TPRX1: variants seen among roughly 807,000 people sequenced by gnomAD.
The protein encoded by TPRX1 is tetra-peptide repeat homeobox protein 1.
A neutral mutation model predicts 8.1 loss-of-function variants in TPRX1; 2 were observed. The ratio of observed to expected loss-of-function variants is 0.25; its 90% confidence interval spans 0.10 to 0.78. The LOEUF is 0.78. Ranked by LOEUF, TPRX1 falls within the 30% of genes least tolerant of loss-of-function variation. TPRX1 has a pLI of 0.70. For missense variants in TPRX1, 517 were observed against 586.9 expected, an observed-to-expected ratio of 0.88 and a Z score of 1.23; for synonymous variants, 257 against 254.1, an observed-to-expected ratio of 1.01 and a Z score of -0.11.
chr19:47,808,229 C>T (rs896738319), intron 2 of TPRX1, among the ~76,000 whole-genome samples: 4 of 152,142 alleles, frequency 2.6e-5, no homozygotes, highest in African/African-American at 4.8e-5. Flanking sequence ...ATTCTCCTGC[C>T]TCAGCCTCCT....
chr19:47,808,272 G>A (rs1403851238), intron 2 of TPRX1, among the ~76,000 whole-genome samples: 3 of 151,828 alleles, frequency 2.0e-5, no homozygotes, highest in Non-Finnish European at 4.4e-5. Flanking sequence ...CCACCATGAT[G>A]TCTGGCTAAT....
At chr19:47,816,717 A>G (rs1420108818) in intron 2 of TPRX1, among the ~76,000 whole-genome samples, 2 of 151,136 alleles carry the variant, frequency 1.3e-5, no homozygotes, top group Non-Finnish European at 2.9e-5. Flanking sequence ...ATTTTTTAGT[A>G]GAGATGGGGT....
intron 2 of TPRX1, among the ~76,000 whole-genome samples, chr19:47,806,743 T>C (rs1187857764): frequency 2.0e-5 from 3 of 151,978 alleles, no homozygotes; most frequent in African/African-American, 7.3e-5. Flanking sequence ...GGCAAATCCA[T>C]AGAGACAGAA....
exon 4 of TPRX1, chr19:47,802,324 G>T: frequency 2.7e-6 from 4 of 1,496,976 alleles, no homozygotes; most frequent in Non-Finnish European, 3.6e-6. Context: ...CTGAGATTGG[G>T]CCTGGGATTG....
intron 2 of TPRX1, among the ~76,000 whole-genome samples, chr19:47,812,139 T>G (rs1273825178): frequency 6.6e-6 from 1 of 152,052 alleles, no homozygotes; most frequent in Non-Finnish European, 1.5e-5. Flanking sequence ...GTGCTGGGAT[T>G]ACAGGAGTGA....
exon 4 of TPRX1, chr19:47,802,796 C>G (rs774215922): frequency 6.2e-7 from 1 of 1,602,718 alleles, no homozygotes; most frequent in African/African-American, 1.3e-5. Flanking sequence ...CTGGTGGAGG[C>G]TGCAGATCGT....
chr19:47,817,849 C>T (rs1967858175), intron 2 of TPRX1, among the ~76,000 whole-genome samples: 1 of 152,202 alleles, frequency 6.6e-6, no homozygotes, highest in South Asian at 2.1e-4. Flanking sequence ...TTGGCAAGAC[C>T]CTCCCGACTC....
At chr19:47,817,417 C>A (rs1568618079) in intron 2 of TPRX1, among the ~76,000 whole-genome samples, 1 of 152,164 alleles carries the variant, frequency 6.6e-6, no homozygotes, top group East Asian at 1.9e-4. Context: ...GGGCCAGCAC[C>A]TGCCCCGGAG....
At chr19:47,817,963 C>T (rs1403094868) in intron 2 of TPRX1, among the ~76,000 whole-genome samples, 2 of 152,226 alleles carry the variant, frequency 1.3e-5, no homozygotes, top group Non-Finnish European at 2.9e-5. Context: ...GATGCACCCA[C>T]TACCAGGCAT....
intron 2 of TPRX1, among the ~76,000 whole-genome samples, chr19:47,806,068 C>T (rs2123713961): frequency 6.6e-6 from 1 of 151,500 alleles, no homozygotes; most frequent in East Asian, 1.9e-4. Flanking sequence ...ACTAAAAATA[C>T]AAAAATTAGC....
At chr19:47,807,325 A>C (rs1039638139) in intron 2 of TPRX1, among the ~76,000 whole-genome samples, 3 of 152,106 alleles carry the variant, frequency 2.0e-5, no homozygotes, top group Admixed American at 1.3e-4. Flanking sequence ...CAAAGTACTG[A>C]TATTACAGGC....
exon 4 of TPRX1, chr19:47,801,901 G>C: frequency 1.9e-6 from 3 of 1,614,184 alleles, no homozygotes; most frequent in Non-Finnish European, 2.5e-6. Context: ...GAGAGGTCAT[G>C]GTGGAGACTG....
intron 2 of TPRX1, among the ~76,000 whole-genome samples, chr19:47,813,650 G>A (rs542919710): frequency 2.7e-5 from 4 of 149,772 alleles, no homozygotes; most frequent in Non-Finnish European, 4.4e-5. Context: ...TCCCCTCCTC[G>A]TTGTCCCTTG....
intron 3 of TPRX1, among the ~76,000 whole-genome samples, 160 bp from the exon 3 acceptor site, chr19:47,803,140 T>A (rs548654228): frequency 2.0e-5 from 2 of 98,162 alleles, no homozygotes; most frequent in Non-Finnish European, 4.1e-5. Context: ...GCCTGGAGAA[T>A]GGAGGGAAGA....
exon 4 of TPRX1, chr19:47,802,224 CTGGGCCTGAGATTGGGCCTGGGAT>C (rs1967672966): frequency 6.2e-7 from 1 of 1,611,576 alleles, no homozygotes; most frequent in Admixed American, 1.7e-5. Flanking sequence ...ATAATTGGGC[CTGGGCCTGAGATTGGGCCTGGGAT>C]TGGGCCTGGG....
At chr19:47,813,916 G>C (rs895474727) in intron 2 of TPRX1, among the ~76,000 whole-genome samples, 1 of 129,502 alleles carries the variant, frequency 7.7e-6, no homozygotes, top group Non-Finnish European at 1.6e-5. Context: ...GGACGAGGGA[G>C]ACCAGAAGAC....
intron 2 of TPRX1, among the ~76,000 whole-genome samples, chr19:47,813,330 C>A (rs2123718822): frequency 6.6e-6 from 1 of 151,244 alleles, no homozygotes; most frequent in African/African-American, 2.4e-5. Context: ...CCTGTCTCAA[C>A]AAACAAACAA....
At chr19:47,813,376 A>C (rs1455045981) in intron 2 of TPRX1, among the ~76,000 whole-genome samples, 1 of 151,902 alleles carries the variant, frequency 6.6e-6, no homozygotes, top group African/African-American at 2.4e-5. Context: ...GACCCCCCCA[A>C]AACACACAAA....
Position 47,814,763 on chromosome 19 carries a change from T to C in TPRX1, c.151+3705A>G, listed in dbSNP as rs1291903031. ...ATCTTGCATTTTGGAGCTGTCCAAG[T>C]AAAACATGAAAAAGAATTTGATACA... is the stretch of plus-strand genomic sequence containing the variant. On this transcript the variant is annotated intron_variant, in intron 2 of 3. Transcript: ENST00000535759. 3.9e-5 allele frequency among the ~76,000 whole-genome samples: 6 copies of C among 152,168 alleles called. No individual in the cohort carries two copies. In the East Asian group the frequency reaches 9.6e-4, roughly 24 times the overall value.
Sources: allele counts gnomAD v4.1 joint callset (sites outside exome capture counted in the v4.1 genomes callset), GRCh38; gene constraint gnomAD v4.1.1; transcripts MANE v1.5; gene names NCBI Gene and HGNC (gene_info 2026-07-23, HGNC 2026-07-21).